Variants in FAT3 observed in about 807,000 individuals in gnomAD.
The protein encoded by FAT3 is FAT atypical cadherin 3, also known as protocadherin Fat 3.
Under a neutral mutation model 310.2 loss-of-function variants are expected in FAT3, and 95 were observed. That is an observed-to-expected ratio of 0.31 (90% CI 0.26 to 0.36). The LOEUF (loss-of-function observed/expected upper bound fraction) is 0.36, where lower values mean the gene tolerates loss of function less well. FAT3 is among the 10% of genes least tolerant of loss of function. FAT3 has a pLI of 1.00. For synonymous variants in FAT3, 2,314 were observed against 2,192.9 expected (o/e 1.06, Z -1.54); for missense variants, 5,408 against 5,715.6 (o/e 0.95, Z 1.74).
intron 3 of FAT3, among the ~76,000 whole-genome samples, chr11:92,677,112 C>T (rs1943311190): frequency 6.6e-6 from 1 of 152,220 alleles, no homozygotes; most frequent in Non-Finnish European, 1.5e-5. Context: ...GCTTGTGTGA[C>T]TTGCATAAGA....
chr11:92,389,261 A>G (rs563622742), intron 2 of FAT3, among the ~76,000 whole-genome samples: 1 of 152,102 alleles, frequency 6.6e-6, no homozygotes, highest in Non-Finnish European at 1.5e-5. Context: ...CAGAAAATGG[A>G]TTTCTCACAG....
chr11:92,638,981 C>T (rs1941864601), intron 3 of FAT3, among the ~76,000 whole-genome samples: 1 of 152,196 alleles, frequency 6.6e-6, no homozygotes, highest in South Asian at 2.1e-4. Flanking sequence ...TGCCTACAAG[C>T]ATAATCAGCC....
intron 13 of FAT3, among the ~76,000 whole-genome samples, chr11:92,829,986 G>A (rs1246057095): frequency 2.6e-5 from 4 of 151,824 alleles, no homozygotes; most frequent in African/African-American, 9.7e-5. Context: ...GCCAAATGAG[G>A]TGTTATAATA....
chr11:92,389,931 G>A (rs1297780729), intron 2 of FAT3, among the ~76,000 whole-genome samples: 4 of 152,100 alleles, frequency 2.6e-5, no homozygotes, highest in Non-Finnish European at 5.9e-5. Flanking sequence ...ACATTACCTT[G>A]TGGAAAATCA....
At chr11:92,499,098 A>T (rs1168984841) in intron 2 of FAT3, among the ~76,000 whole-genome samples, 1 of 151,918 alleles carries the variant, frequency 6.6e-6, no homozygotes, top group South Asian at 2.1e-4. Context: ...TTGAAGACCT[A>T]CTCTGCACCC....
intron 3 of FAT3, among the ~76,000 whole-genome samples, chr11:92,624,066 C>G (rs1941214606): frequency 6.6e-6 from 1 of 152,188 alleles, no homozygotes; most frequent in African/African-American, 2.4e-5. Flanking sequence ...AATATGACCT[C>G]TGCTCCCAGG....
At chr11:92,808,514 G>T (rs903404210) in intron 12 of FAT3, among the ~76,000 whole-genome samples, 2 of 152,148 alleles carry the variant, frequency 1.3e-5, no homozygotes, top group Non-Finnish European at 2.9e-5. Flanking sequence ...GGAGTGTCTT[G>T]AATGTCCCAA....
At chr11:92,521,053 G>C (rs1037225232) in intron 2 of FAT3, among the ~76,000 whole-genome samples, 2 of 152,126 alleles carry the variant, frequency 1.3e-5, no homozygotes, top group Admixed American at 6.5e-5. Flanking sequence ...CCATCTTCCT[G>C]TTTGACAAGT....
intron 1 of FAT3, chr11:92,335,924 T>A (rs1470978016): frequency 2.9e-6 from 1 of 345,992 alleles, no homozygotes; most frequent in Admixed American, 4.0e-5. Flanking sequence ...TTGGTATGCA[T>A]TGACTCCTAT....
chr11:92,823,987 G>T (rs1010052133), intron 13 of FAT3, among the ~76,000 whole-genome samples: 1 of 152,132 alleles, frequency 6.6e-6, no homozygotes, highest in South Asian at 2.1e-4. Flanking sequence ...ATTGTAGTGG[G>T]ATTTTATTTG....
chr11:92,329,285 C>T (rs1947845504), intron 1 of FAT3, among the ~76,000 whole-genome samples: 1 of 151,700 alleles, frequency 6.6e-6, no homozygotes. Context: ...AGATTAATGC[C>T]CTCCCTCCGA....
intron 6 of FAT3, among the ~76,000 whole-genome samples, chr11:92,772,042 T>A (rs1946472246): frequency 6.6e-6 from 1 of 152,126 alleles, no homozygotes; most frequent in Admixed American, 6.6e-5. Context: ...CAAACTAAAG[T>A]TTTATAATTT....
At chr11:92,313,518 A>G (rs1203001287) in intron 1 of FAT3, among the ~76,000 whole-genome samples, 1 of 152,126 alleles carries the variant, frequency 6.6e-6, no homozygotes, top group Non-Finnish European at 1.5e-5. Flanking sequence ...GTTACTGACA[A>G]TGTTTTTGAT....
chr11:92,306,736 TATATATAA>T (rs1274195022), intron 1 of FAT3, among the ~76,000 whole-genome samples: 12 of 91,826 alleles, frequency 1.3e-4, no homozygotes, highest in Admixed American at 3.3e-4. Flanking sequence ...TATATATATT[TATATATAA>T]ATATATATAA....
chr11:92,767,505 G>T (rs1946344855), intron 6 of FAT3, among the ~76,000 whole-genome samples: 1 of 152,044 alleles, frequency 6.6e-6, no homozygotes, highest in Non-Finnish European at 1.5e-5. Flanking sequence ...GCCCTGGGAT[G>T]CCCTCACTTG....
intron 2 of FAT3, among the ~76,000 whole-genome samples, chr11:92,423,993 A>G (rs572863552): frequency 1.3e-5 from 2 of 152,310 alleles, no homozygotes; most frequent in South Asian, 2.1e-4. Context: ...GCCTAGCCAA[A>G]TTGTCATATA....
At chr11:92,232,628 G>GTTTTTTT (rs56273706) in intron 1 of FAT3, among the ~76,000 whole-genome samples, 220 of 74,756 alleles carry the variant, frequency 2.9e-3, no homozygotes, top group Non-Finnish European at 3.8e-3. Flanking sequence ...CAGTGATGTC[G>GTTTTTTT]TTTTTTTTTT....
intron 2 of FAT3, among the ~76,000 whole-genome samples, chr11:92,419,265 C>T (rs865785269): frequency 3.9e-5 from 6 of 152,172 alleles, no homozygotes; most frequent in Admixed American, 3.3e-4. Context: ...TTGCTATTAA[C>T]TTTTAATGTT....
At chr11:92,870,529 T>C (rs1347428091) in intron 22 of FAT3, among the ~76,000 whole-genome samples, 3 of 152,148 alleles carry the variant, frequency 2.0e-5, no homozygotes, top group Non-Finnish European at 2.9e-5. Context: ...GGAGAAGCCA[T>C]GACTAGGTCC....
Sources: allele counts gnomAD v4.1 joint callset (sites outside exome capture counted in the v4.1 genomes callset), GRCh38; gene constraint gnomAD v4.1.1; transcripts MANE v1.5; gene names NCBI Gene and HGNC (gene_info 2026-07-23, HGNC 2026-07-21).